Variants in SEMA3E observed in about 807,000 individuals in gnomAD.
SEMA3E encodes the protein semaphorin-3E.
SEMA3E carries 49 observed loss-of-function variants against 93.6 expected under a neutral mutation model. That is an observed-to-expected ratio of 0.52 (90% CI 0.42 to 0.66). The LOEUF is 0.66. Among genes scored for constraint, SEMA3E ranks in the 30% least tolerant of loss-of-function variants. The probability of loss-of-function intolerance (pLI) is 0.00; values close to 1 mark genes in which losing one functional copy is unlikely to be tolerated. For missense variants in SEMA3E, 906 were observed against 964.8 expected, an observed-to-expected ratio of 0.94 and a Z score of 0.81; for synonymous variants, 363 against 330.7, an observed-to-expected ratio of 1.10 and a Z score of -1.06.
chr7:83,464,240 T>C (rs1487153495), intron 4 of SEMA3E, among the ~76,000 whole-genome samples: 1 of 151,576 alleles, frequency 6.6e-6, no homozygotes, highest in Non-Finnish European at 1.5e-5. Flanking sequence ...GACAATACTT[T>C]TACCACTTTC....
intron 4 of SEMA3E, among the ~76,000 whole-genome samples, chr7:83,454,274 T>A (rs67712920): frequency 0.55 from 46,933 of 85,796 alleles, 12,876 homozygotes; most frequent in East Asian, 0.82. Context: ...AAAAAAAAAA[T>A]ATATATATAT....
chr7:83,626,787 A>G (rs1793679062), intron 1 of SEMA3E, among the ~76,000 whole-genome samples: 1 of 151,954 alleles, frequency 6.6e-6, no homozygotes, highest in African/African-American at 2.4e-5. Context: ...AAGTCTTTTA[A>G]TTGTGATGTT....
intron 16 of SEMA3E, among the ~76,000 whole-genome samples, chr7:83,369,222 A>G (rs1236603610): frequency 6.6e-6 from 1 of 152,076 alleles, no homozygotes; most frequent in Non-Finnish European, 1.5e-5. Context: ...ATGTAGAGGC[A>G]ATAATTACAA....
At chr7:83,562,297 G>T (rs1470667373) in intron 1 of SEMA3E, among the ~76,000 whole-genome samples, 3 of 151,634 alleles carry the variant, frequency 2.0e-5, no homozygotes, top group South Asian at 4.2e-4. Flanking sequence ...ATAGAAAAAG[G>T]CCTGATATTT....
intron 1 of SEMA3E, among the ~76,000 whole-genome samples, chr7:83,552,057 C>T (rs1791778278): frequency 6.6e-6 from 1 of 152,060 alleles, no homozygotes; most frequent in Non-Finnish European, 1.5e-5. Context: ...TTTTAATGCC[C>T]TACCATAGTT....
In SEMA3E at chr7:83,492,463, G is replaced by T. The variant is rs557668593; in HGVS notation, c.116-2189C>A. Among the ~76,000 whole-genome samples, 8 of 152,048 alleles carry T rather than the reference G, an allele frequency of 5.3e-5. No individual in the cohort carries two copies. The East Asian group carries it at 1.5e-3, about 29-fold the overall frequency. On this transcript the variant is annotated intron_variant, in intron 1 of 16. Coordinates refer to ENST00000643230, the MANE Select transcript of SEMA3E (RefSeq NM_012431.3). ...TTACAGTTCTAATAGTCTAAAGATA[G>T]TAGTTCTTATTTCTTTGTAAATAAT... is the stretch of plus-strand genomic sequence containing the variant.
In SEMA3E at chr7:83,600,477, G is replaced by A. The variant is rs1325969229; in HGVS notation, c.115+47951C>T. On this transcript the variant is annotated intron_variant, in intron 1 of 16. Coordinates refer to ENST00000643230, the MANE Select transcript of SEMA3E (RefSeq NM_012431.3). Reference sequence around the variant, plus strand: ...TGGGACTACAGGCGCCCGCCACCACGCCCAGCTAATTTTTTTTTTTTTTTT... The same window carrying A: ...TGGGACTACAGGCGCCCGCCACCACACCCAGCTAATTTTTTTTTTTTTTTT... 3.3e-5 allele frequency among the ~76,000 whole-genome samples: 4 copies of A among 122,424 alleles called. No homozygotes were observed. The East Asian group carries it at 9.9e-4, about 30-fold the overall frequency. 80.3% of individuals were successfully genotyped at this position (122,424 alleles called of 152,430 possible).
intron 1 of SEMA3E, among the ~76,000 whole-genome samples, chr7:83,525,778 GTTT>G (rs1471356574): frequency 1.5e-4 from 14 of 90,926 alleles, no homozygotes; most frequent in Non-Finnish European, 2.8e-4. Context: ...ATTTTTGTTT[GTTT>G]GGGTTTTTTT....
chr7:83,575,806 T>A (rs1324875658), intron 1 of SEMA3E, among the ~76,000 whole-genome samples: 1 of 152,190 alleles, frequency 6.6e-6, no homozygotes, highest in Non-Finnish European at 1.5e-5. Flanking sequence ...AAAATACCAA[T>A]TCATAACTCC....
At chr7:83,527,469 C>T (rs1454419398) in intron 1 of SEMA3E, among the ~76,000 whole-genome samples, 1 of 152,076 alleles carries the variant, frequency 6.6e-6, no homozygotes, top group Non-Finnish European at 1.5e-5. Flanking sequence ...AAACCCTGCT[C>T]CTATGGAGTA....
chr7:83,373,215 C>T (rs1160737564), intron 16 of SEMA3E: 1 of 152,062 alleles, frequency 6.6e-6, no homozygotes, highest in Non-Finnish European at 1.5e-5. Context: ...GCAGTTATTT[C>T]CATGTCTACC....
In SEMA3E at chr7:83,490,094, G is replaced by T. The variant is rs201516235; in HGVS notation, c.276+20C>A. 1 of 1,609,568 alleles carries T rather than the reference G, an allele frequency of 6.2e-7. No individual in the cohort carries two copies. The highest frequency in any genetic ancestry group is 1.1e-5 in the South Asian group (1 of 90,966). ...CCCCCTTTTCTATCTCTACTGAAAT[G>T]CAGTTTGATATTTCTATACCTCTTT... On this transcript the variant is annotated intron_variant, in intron 2 of 16. Transcript: ENST00000643230.
chr7:83,640,591 T>A (rs1793987654), intron 1 of SEMA3E, among the ~76,000 whole-genome samples: 1 of 152,188 alleles, frequency 6.6e-6, no homozygotes, highest in Non-Finnish European at 1.5e-5. Context: ...TCAACCAATT[T>A]TCAATACCTA....
intron 1 of SEMA3E, among the ~76,000 whole-genome samples, chr7:83,542,185 A>T (rs922831218): frequency 7.0e-6 from 1 of 142,378 alleles, no homozygotes; most frequent in Non-Finnish European, 1.5e-5. Context: ...TCTATAAAAA[A>T]GTTAAAAAAA....
chr7:83,478,877 G>T (rs2115931639), intron 2 of SEMA3E, among the ~76,000 whole-genome samples: 1 of 152,304 alleles, frequency 6.6e-6, no homozygotes, highest in South Asian at 2.1e-4. Context: ...TAATACAGAT[G>T]TACCTGGTTT....
chr7:83,541,822 G>A (rs1393971426), intron 1 of SEMA3E, among the ~76,000 whole-genome samples: 1 of 151,974 alleles, frequency 6.6e-6, no homozygotes, highest in African/African-American at 2.4e-5. Flanking sequence ...GAATGATAAA[G>A]TGAGATTTCG....
chr7:83,503,395 A>G (rs191033891), intron 1 of SEMA3E, among the ~76,000 whole-genome samples: 1 of 152,290 alleles, frequency 6.6e-6, no homozygotes, highest in Admixed American at 6.5e-5. Context: ...AAGCATCTCT[A>G]GTTTACCCTT....
chr7:83,634,449 A>G (rs1165147542), intron 1 of SEMA3E, among the ~76,000 whole-genome samples: 1 of 152,144 alleles, frequency 6.6e-6, no homozygotes, highest in Non-Finnish European at 1.5e-5. Flanking sequence ...CAGTTTGGGC[A>G]TACACATTTT....
intron 1 of SEMA3E, among the ~76,000 whole-genome samples, chr7:83,570,570 A>AAAAAAAAG (rs1584338062): frequency 6.8e-6 from 1 of 146,894 alleles, no homozygotes; most frequent in East Asian, 2.0e-4. Flanking sequence ...AAAAAAAAAA[A>AAAAAAAAG]AAGAAGTTAG....
Sources: allele counts gnomAD v4.1 joint callset (sites outside exome capture counted in the v4.1 genomes callset), GRCh38; gene constraint gnomAD v4.1.1; transcripts MANE v1.5; gene names NCBI Gene and HGNC (gene_info 2026-07-23, HGNC 2026-07-21).